Variants in DNAH9 observed in about 807,000 individuals in gnomAD.
The protein encoded by DNAH9 is DNAH9 variant protein.
Under a neutral mutation model 471.6 loss-of-function variants are expected in DNAH9, and 345 were observed. The ratio of observed to expected loss-of-function variants is 0.73; its 90% CI spans 0.67 to 0.80. DNAH9 has a LOEUF of 0.80. Among genes scored for constraint, DNAH9 ranks in the 30% least tolerant of loss-of-function variants. The pLI is 0.00. For synonymous variants in DNAH9, 2,093 were observed against 2,123.6 expected (o/e 0.99, Z 0.40); for missense variants, 5,407 against 5,609.2 (o/e 0.96, Z 1.15).
intron 62 of DNAH9, among the ~76,000 whole-genome samples, chr17:11,928,906 T>A (rs966636850): frequency 6.6e-6 from 1 of 152,034 alleles, no homozygotes; most frequent in Non-Finnish European, 1.5e-5. Flanking sequence ...TCTAACTAGC[T>A]CCCAGGTACT....
At chr17:11,885,435 C>T (rs1285042906) in intron 56 of DNAH9, among the ~76,000 whole-genome samples, 1 of 152,200 alleles carries the variant, frequency 6.6e-6, no homozygotes, top group Non-Finnish European at 1.5e-5. Flanking sequence ...TCCTGATGGG[C>T]ATCAAAGATC....
At chr17:11,887,506 C>A (rs1972915076) in intron 57 of DNAH9, among the ~76,000 whole-genome samples, 1 of 152,140 alleles carries the variant, frequency 6.6e-6, no homozygotes, top group Admixed American at 6.5e-5. Flanking sequence ...TTATCTTACT[C>A]ATGAAAAAAT....
rs1445902868 is a variant in DNAH9 at position 11,932,327 on chromosome 17, C to T, written c.12297+122C>T. Reference sequence around the variant, plus strand: ...GAGAATGTGCATTTCTAACAAGCTCCCTCGTGATGCAGATGCTGCTGATTC... The same window carrying T: ...GAGAATGTGCATTTCTAACAAGCTCTCTCGTGATGCAGATGCTGCTGATTC... On this transcript the variant is annotated intron_variant, in intron 64 of 68. Coordinates refer to ENST00000262442, the MANE Select transcript of DNAH9 (RefSeq NM_001372.4). The surrounding 1 kb of genome is among the most constrained non-coding windows in gnomAD (Gnocchi z 4.3). 3 of 1,001,722 alleles carry T rather than the reference C, an allele frequency of 3.0e-6. No homozygotes were observed. The highest frequency in any genetic ancestry group is 4.3e-6 in the Non-Finnish European group (3 of 699,002). The allele number at this position is 1,001,722 out of a possible 1,614,324, so 62.1% of individuals were successfully genotyped here.
At chr17:11,906,863 T>G (rs1189180954) in intron 61 of DNAH9, among the ~76,000 whole-genome samples, 2 of 151,734 alleles carry the variant, frequency 1.3e-5, no homozygotes. Flanking sequence ...CTGGGGCCTA[T>G]TGAGGGGGTG....
At chr17:11,834,586 C>G in intron 48 of DNAH9, 52 bp from the exon 49 acceptor site, 3 of 1,604,088 alleles carry the variant, frequency 1.9e-6, no homozygotes, top group Non-Finnish European at 2.6e-6. Flanking sequence ...GTCCAGTGCC[C>G]ACAGTCCCTC....
rs144604955 is a variant in DNAH9, at chr17:11,835,288, C to G, written c.9507+390C>G. ...CAGGGATCTTCCTGCTCCAGTAACC[C>G]AGGACCATTTTGCCCTTTAGGTTCT... On this transcript the variant is annotated intron_variant, in intron 49 of 68. Transcript: ENST00000262442. Among the ~76,000 whole-genome samples the G allele has an allele frequency of 4.1e-4, 63 of 152,296 alleles. 1 individual carries two copies. Among genetic ancestry groups the G allele is most frequent in the African/African-American group, 1.5e-3 (62 of 41,576 alleles).
chr17:11,620,299 G>C (rs1200938460), intron 6 of DNAH9, among the ~76,000 whole-genome samples: 2 of 151,680 alleles, frequency 1.3e-5, no homozygotes, highest in Non-Finnish European at 2.9e-5. Context: ...TGGATCATGA[G>C]GTCAGGAGTT....
chr17:11,829,866 A>T (rs934563235), intron 48 of DNAH9, among the ~76,000 whole-genome samples: 2 of 152,252 alleles, frequency 1.3e-5, no homozygotes, highest in African/African-American at 2.4e-5. Flanking sequence ...ATGGCTCTGG[A>T]TCCATCTTAT....
In DNAH9 at chr17:11,883,633, G is replaced by T. The variant is rs147799113; in HGVS notation, c.10854G>T (p.Thr3618=). Residue 3618 remains threonine, a synonymous_variant, in exon 56 of 69, where the codon ACG becomes ACT. Transcript: ENST00000262442. ...QQNGFKITLK[T]LEDSLLSRLS... ...ATGGATTCAAAATTACCCTGAAAACGTTGGAAGACAGTCTTCTCTCTCGCC... is the reference window on the plus strand; with the variant it reads ...ATGGATTCAAAATTACCCTGAAAACTTTGGAAGACAGTCTTCTCTCTCGCC... 1.2e-6 allele frequency: 2 copies of T among 1,613,988 alleles called. No homozygotes were observed. The highest frequency in any genetic ancestry group is 3.3e-5 in the Admixed American group (2 of 60,002).
chr17:11,646,960 C>CTTGG (rs2073405446), intron 11 of DNAH9, 112 bp from the exon 12 acceptor site: 1 of 1,074,092 alleles, frequency 9.3e-7, no homozygotes, highest in Non-Finnish European at 1.3e-6. Flanking sequence ...GCTGACCCAG[C>CTTGG]CTGGTTGGGT....
intron 24 of DNAH9, among the ~76,000 whole-genome samples, chr17:11,701,704 G>A (rs998833144): frequency 3.3e-5 from 5 of 151,490 alleles, no homozygotes; most frequent in Admixed American, 1.3e-4. Context: ...TTTAAGACGG[G>A]GTGTTGCTCT....
At position 11,623,047 on chromosome 17, in the gene DNAH9, C is replaced by T. The variant is rs2072903597; in HGVS notation, c.1350+3266C>T. 6.7e-6 allele frequency among the ~76,000 whole-genome samples: 1 copy of T among 148,322 alleles called. No homozygotes were observed. Among genetic ancestry groups the T allele is most frequent in the Non-Finnish European group, 1.5e-5 (1 of 67,408 alleles). On this transcript the variant is annotated intron_variant, in intron 6 of 68. Transcript: ENST00000262442. This position sits in a 1 kb window ranked among gnomAD's most constrained non-coding sequence, Gnocchi z 4.1. ...GGAGTGCAGTGGCACAATCTCGGCT[C>T]ACGACAACCTCTGCCTCCTGGGTTC...
chr17:11,699,930 G>A, intron 23 of DNAH9, 47 bp downstream of exon 23: 2 of 1,596,244 alleles, frequency 1.3e-6, no homozygotes, highest in Admixed American at 1.7e-5. Context: ...TCTCTCAAAT[G>A]CCTTCATTCA....
In DNAH9 at chr17:11,693,986, A is replaced by C; in HGVS notation, c.4733A>C (p.Asp1578Ala). The C allele has an allele frequency of 6.2e-7, 1 of 1,614,084 alleles. No individual in the cohort carries two copies. Among genetic ancestry groups the C allele is most frequent in the Non-Finnish European group, 8.5e-7 (1 of 1,180,004 alleles). Reference sequence around the variant, plus strand: ...CCAGGCCTGTATGAAAAGCTGGAGGATATTCAGGGCAGGTGAGGGTCCGCC... The same window carrying C: ...CCAGGCCTGTATGAAAAGCTGGAGGCTATTCAGGGCAGGTGAGGGTCCGCC... ...NKPGLYEKLE[D>A]IQGRLCLCEK... Residue 1578 changes from aspartate to alanine, a missense_variant, in exon 21 of 69, where the codon GAT becomes GCT. Physicochemically the swap from Asp to Ala is moderately radical, Grantham distance 126. Transcript: ENST00000262442.
chr17:11,822,067 A>G lies in DNAH9; in HGVS notation c.8850+5A>G. 6.2e-7 allele frequency: 1 copy of G among 1,609,898 alleles called. No homozygotes were observed. On this transcript the variant is annotated splice_donor_5th_base_variant and intron_variant, in intron 46 of 68. Transcript: ENST00000262442. ...CGGATCCGGCGACAGCTGAAGGTAA[A>G]GAGCATTTACTGACAGGGGCAGGCA...
chr17:11,866,457 A>G (rs376458663), intron 50 of DNAH9, among the ~76,000 whole-genome samples: 1 of 152,026 alleles, frequency 6.6e-6, no homozygotes, highest in Non-Finnish European at 1.5e-5. Flanking sequence ...TAGGCTGCTC[A>G]GGGGTCAGGG....
At chr17:11,787,072 A>T (rs536074207) in intron 41 of DNAH9, among the ~76,000 whole-genome samples, 1 of 152,342 alleles carries the variant, frequency 6.6e-6, no homozygotes, top group South Asian at 2.1e-4. Context: ...AGCTAAATTA[A>T]GTTTAACAGT....
intron 62 of DNAH9, 55 bp downstream of exon 62, chr17:11,923,996 C>T (rs1974229204): frequency 5.0e-6 from 8 of 1,589,458 alleles, no homozygotes; most frequent in Middle Eastern, 1.7e-4. Context: ...CCTCATCCCA[C>T]ACTCACTGGG....
intron 24 of DNAH9, among the ~76,000 whole-genome samples, chr17:11,701,734 A>C (rs1016034906): frequency 5.3e-5 from 8 of 152,156 alleles, no homozygotes; most frequent in African/African-American, 1.7e-4. Context: ...GCTGAAGTGC[A>C]GTGCCACGAT....
Sources: gnomAD v4.1 joint callset for allele counts (sites outside exome capture counted in the v4.1 genomes callset) on GRCh38, gnomAD v4.1.1 for gene constraint, Gnocchi (gnomAD v3.1) non-coding constraint, MANE v1.5 for transcripts, NCBI Gene and HGNC (gene_info 2026-07-23, HGNC 2026-07-21) for gene names.